The following AEBP2 variants were observed in gnomAD, a reference collection of about 807,000 sequenced individuals.
The protein encoded by AEBP2 is zinc finger protein AEBP2.
Under a neutral mutation model 50.8 loss-of-function variants are expected in AEBP2, and 10 were observed. That is an observed-to-expected ratio of 0.20 (90% CI 0.12 to 0.33). The LOEUF (loss-of-function observed/expected upper bound fraction) is 0.33. AEBP2 is among the 10% of genes least tolerant of loss of function. The pLI is 1.00. For missense variants in AEBP2, 570 were observed against 688.0 expected (o/e 0.83, Z 1.92); for synonymous variants, 296 against 261.3 (o/e 1.13, Z -1.28).
At chr12:19,515,797 A>C (rs1425095270) in intron 7 of AEBP2, among the ~76,000 whole-genome samples, 1 of 152,136 alleles carries the variant, frequency 6.6e-6, no homozygotes. Flanking sequence ...AGTTTTCCCT[A>C]TTACAATAAA....
At chr12:19,483,932 TGTC>T (rs79032967) in intron 3 of AEBP2, among the ~76,000 whole-genome samples, 24,438 of 152,042 alleles carry the variant, frequency 0.16, 3,403 homozygotes, top group African/African-American at 0.37. Context: ...CTTGCCAAAT[TGTC>T]GTTCCCTAGA....
chr12:19,437,234 C>A (rs976084420), upstream of AEBP2, among the ~76,000 whole-genome samples: 1 of 152,182 alleles, frequency 6.6e-6, no homozygotes, highest in African/African-American at 2.4e-5. Flanking sequence ...AATCACATTT[C>A]TACATGGATG....
rs1434990416 is a variant in AEBP2 at position 19,520,189 on chromosome 12, TTGAG to T, written c.*2074_*2077del. 5.2e-5 allele frequency: 8 copies of T among 152,528 alleles called. No individual in the cohort carries two copies. The highest frequency in any genetic ancestry group is 3.8e-4 in the East Asian group (2 of 5,196). 9.4% of individuals were successfully genotyped at this position (152,528 alleles called of 1,614,324 possible). ...ATTGACCAATGATTGTAGACCTTGCTTGAGTATTTTTTCTAATAAAACAAAGCAA... is the reference window on the plus strand; with the variant it reads ...ATTGACCAATGATTGTAGACCTTGCTTATTTTTTCTAATAAAACAAAGCAA... On this transcript the variant is annotated 3_prime_UTR_variant, in exon 8 of 8. Coordinates refer to ENST00000266508, the MANE Select transcript of AEBP2 (RefSeq NM_153207.5).
intron 4 of AEBP2, 121 bp downstream of exon 4, chr12:19,494,107 T>C (rs1269286952): frequency 9.1e-6 from 10 of 1,093,334 alleles, no homozygotes. Flanking sequence ...ACAGGTAGGA[T>C]GCCTGTCTGT....
At chr12:19,407,867 G>A (rs1324596705) in intron 1 of AEBP2, among the ~76,000 whole-genome samples, 3 of 152,014 alleles carry the variant, frequency 2.0e-5, no homozygotes, top group Non-Finnish European at 4.4e-5. Flanking sequence ...TGACCAACAT[G>A]GAGAAACTCC....
In AEBP2 at chr12:19,518,500, T is replaced by C. The variant is rs1949352070; in HGVS notation, c.*383T>C. The C allele has an allele frequency of 1.6e-6, 2 of 1,251,008 alleles. No homozygotes were observed. The highest frequency in any genetic ancestry group is 2.0e-6 in the Non-Finnish European group (2 of 994,828). 77.5% of individuals were successfully genotyped at this position (1,251,008 alleles called of 1,614,324 possible). ...AGTTTATATTGGAAAGAAAAACAAT[T>C]ACAACATGTGCCCTTACAAATACCA... On this transcript the variant is annotated 3_prime_UTR_variant, in exon 8 of 8. Transcript: ENST00000266508.
chr12:19,503,074 C>T (rs112341189), intron 5 of AEBP2, among the ~76,000 whole-genome samples: 50 of 152,206 alleles, frequency 3.3e-4, no homozygotes, highest in African/African-American at 9.2e-4. Flanking sequence ...TGGCTCTTTG[C>T]GCTCCTTTTC....
chr12:19,488,853 G>A (rs1948855499), intron 3 of AEBP2, among the ~76,000 whole-genome samples: 2 of 152,018 alleles, frequency 1.3e-5, no homozygotes, highest in African/African-American at 4.8e-5. Context: ...GCAATGGTGC[G>A]ATCTTGGCTC....
At position 19,410,779 on chromosome 12, in the gene AEBP2, G is replaced by A. The variant is rs551928979; in HGVS notation, c.-17+6563G>A. ...TAATCAGGATGGTTTCAGCCCATGC[G>A]GATCTCAGTATCTAAGAATTCGGGA... On this transcript the variant is annotated intron_variant, in intron 1 of 3. Coordinates refer to the AEBP2 transcript ENST00000538425. Among the ~76,000 whole-genome samples the A allele has an allele frequency of 6.6e-5, 10 of 152,216 alleles. No homozygotes were observed. The East Asian group carries it at 1.4e-3, about 21-fold the overall frequency.
chr12:19,506,036 C>T (rs1949152612), intron 5 of AEBP2, among the ~76,000 whole-genome samples: 1 of 151,996 alleles, frequency 6.6e-6, no homozygotes, highest in African/African-American at 2.4e-5. Context: ...AGTGATCCTC[C>T]TGGCTTTGCC....
intron 4 of AEBP2, among the ~76,000 whole-genome samples, chr12:19,498,433 C>A (rs760549228): frequency 1.4e-4 from 21 of 152,050 alleles, no homozygotes; most frequent in Non-Finnish European, 2.4e-4. Flanking sequence ...AGAGAAAAGA[C>A]CTGTTTGTTT....
chr12:19,426,295 A>C (rs1413492045), intron 1 of AEBP2, among the ~76,000 whole-genome samples: 3 of 152,092 alleles, frequency 2.0e-5, no homozygotes, highest in Admixed American at 6.6e-5. Flanking sequence ...TGCTCCTGAA[A>C]TGTGTTTGTC....
chr12:19,438,803 A>T (rs1306961734), upstream of AEBP2, among the ~76,000 whole-genome samples: 2 of 152,240 alleles, frequency 1.3e-5, no homozygotes, highest in Non-Finnish European at 2.9e-5. Flanking sequence ...TGTATTTTCC[A>T]AACTGTATTT....
chr12:19,511,049 C>G (rs772591083), intron 5 of AEBP2, among the ~76,000 whole-genome samples: 2 of 151,832 alleles, frequency 1.3e-5, no homozygotes, highest in Non-Finnish European at 2.9e-5. Flanking sequence ...GTTGCCTAGG[C>G]TGGTCTAGAA....
chr12:19,468,445 T>G (rs530195674), intron 2 of AEBP2, among the ~76,000 whole-genome samples: 1 of 152,370 alleles, frequency 6.6e-6, no homozygotes, highest in Non-Finnish European at 1.5e-5. Context: ...TTGGCTGATT[T>G]TAATTTACTG....
chr12:19,502,009 G>GA (rs1481514150), intron 5 of AEBP2, among the ~76,000 whole-genome samples: 7 of 151,966 alleles, frequency 4.6e-5, no homozygotes, highest in Admixed American at 1.3e-4. Context: ...GTTTTGCATA[G>GA]ATTATATGCA....
intron 5 of AEBP2, among the ~76,000 whole-genome samples, chr12:19,503,263 T>C (rs965193469): frequency 2.0e-5 from 3 of 152,184 alleles, no homozygotes; most frequent in Non-Finnish European, 4.4e-5. Context: ...CTATGATTTC[T>C]TTTAGCAGCC....
intron 1 of AEBP2, among the ~76,000 whole-genome samples, chr12:19,429,647 C>T (rs2095750410): frequency 6.6e-6 from 1 of 152,180 alleles, no homozygotes; most frequent in South Asian, 2.1e-4. Context: ...CTGTTGTTTC[C>T]TGACTTTTGA....
chr12:19,428,991 T>A (rs1033255625), intron 1 of AEBP2, among the ~76,000 whole-genome samples: 1 of 152,118 alleles, frequency 6.6e-6, no homozygotes, highest in African/African-American at 2.4e-5. Context: ...TTTTTTTCCA[T>A]TATACTTTAA....
Sources: gnomAD v4.1 joint callset for allele counts (sites outside exome capture counted in the v4.1 genomes callset) on GRCh38, gnomAD v4.1.1 for gene constraint, MANE v1.5 for transcripts, NCBI Gene and HGNC (gene_info 2026-07-23, HGNC 2026-07-21) for gene names.